FOXO1: variants seen among roughly 807,000 people sequenced by gnomAD.
FOXO1 encodes forkhead box O1.
Under a neutral mutation model 44.1 loss-of-function variants are expected in FOXO1, and 6 were observed. The observed-to-expected ratio is 0.14, with a 90% CI of 0.07 to 0.27. The LOEUF (loss-of-function observed/expected upper bound fraction) is 0.27, where lower values mean the gene tolerates loss of function less well. FOXO1 is among the 10% of genes least tolerant of loss of function. The probability of loss-of-function intolerance (pLI) is 1.00; values close to 1 mark genes in which losing one functional copy is unlikely to be tolerated. For missense variants in FOXO1, 737 were observed against 888.8 expected (o/e 0.83, Z 2.17); for synonymous variants, 380 against 362.7 (o/e 1.05, Z -0.54).
At chr13:40,623,518 T>C (rs1430779328) in intron 1 of FOXO1, among the ~76,000 whole-genome samples, 1 of 151,946 alleles carries the variant, frequency 6.6e-6, no homozygotes, top group Non-Finnish European at 1.5e-5. Flanking sequence ...AGTTCAACAG[T>C]TTTTTTTCTT....
intron 1 of FOXO1, among the ~76,000 whole-genome samples, chr13:40,578,336 G>A (rs1281571029): frequency 6.6e-6 from 1 of 152,194 alleles, no homozygotes; most frequent in African/African-American, 2.4e-5. Context: ...GTCCTAGAAT[G>A]CTGATCCTGT....
chr13:40,564,640 C>T (rs917653242), intron 1 of FOXO1, among the ~76,000 whole-genome samples: 3 of 152,192 alleles, frequency 2.0e-5, no homozygotes, highest in Non-Finnish European at 2.9e-5. Flanking sequence ...AGCAGAGCCG[C>T]GTGAGACTGC....
At chr13:40,603,453 T>C (rs1875885637) in intron 1 of FOXO1, among the ~76,000 whole-genome samples, 1 of 151,948 alleles carries the variant, frequency 6.6e-6, no homozygotes, top group Non-Finnish European at 1.5e-5. Flanking sequence ...TATGTGTGTG[T>C]GTCTGTACAT....
intron 1 of FOXO1, among the ~76,000 whole-genome samples, chr13:40,664,352 G>A (rs1292840328): frequency 6.6e-6 from 1 of 152,154 alleles, no homozygotes; most frequent in Non-Finnish European, 1.5e-5. Context: ...GAAACTGTCA[G>A]CTTGGGGAGG....
chr13:40,610,743 A>G (rs1317471613), intron 1 of FOXO1, among the ~76,000 whole-genome samples: 1 of 152,270 alleles, frequency 6.6e-6, no homozygotes, highest in Non-Finnish European at 1.5e-5. Context: ...AATATAGGCT[A>G]TAAAAACAAT....
At chr13:40,659,630 CTT>C (rs199978805) in intron 1 of FOXO1, among the ~76,000 whole-genome samples, 5 of 152,006 alleles carry the variant, frequency 3.3e-5, no homozygotes, top group Non-Finnish European at 5.9e-5. Flanking sequence ...AACTAACTTG[CTT>C]TTTTGTTTTC....
At chr13:40,656,695 C>A (rs1320630919) in intron 1 of FOXO1, among the ~76,000 whole-genome samples, 1 of 152,188 alleles carries the variant, frequency 6.6e-6, no homozygotes, top group African/African-American at 2.4e-5. Flanking sequence ...ATCATATTTT[C>A]ATAATTTCTT....
intron 1 of FOXO1, among the ~76,000 whole-genome samples, chr13:40,638,356 A>T (rs1263679458): frequency 6.6e-6 from 1 of 152,202 alleles, no homozygotes; most frequent in Non-Finnish European, 1.5e-5. Flanking sequence ...TAAGGAAGAC[A>T]TTATATGAAA....
At chr13:40,643,861 T>C (rs1239916336) in intron 1 of FOXO1, among the ~76,000 whole-genome samples, 1 of 152,194 alleles carries the variant, frequency 6.6e-6, no homozygotes, top group African/African-American at 2.4e-5. Flanking sequence ...GCACCTCAAC[T>C]TGTCCTACAA....
intron 1 of FOXO1, among the ~76,000 whole-genome samples, chr13:40,577,151 C>CCCCA (rs1457796454): frequency 2.2e-5 from 3 of 139,446 alleles, no homozygotes; most frequent in African/African-American, 5.2e-5. Context: ...ATCAGACTCC[C>CCCCA]CCCACCCACC....
chr13:40,599,516 C>T (rs1011065529), intron 1 of FOXO1, among the ~76,000 whole-genome samples: 24 of 152,232 alleles, frequency 1.6e-4, no homozygotes, highest in African/African-American at 5.8e-4. Context: ...AACCACCACT[C>T]ACAGGTACTG....
intron 1 of FOXO1, among the ~76,000 whole-genome samples, chr13:40,594,158 T>A (rs976080344): frequency 3.3e-5 from 5 of 152,094 alleles, no homozygotes; most frequent in African/African-American, 4.8e-5. Flanking sequence ...AACTCACAAT[T>A]TCACCTCTGA....
At chr13:40,642,342 G>A (rs1203193528) in intron 1 of FOXO1, among the ~76,000 whole-genome samples, 3 of 152,072 alleles carry the variant, frequency 2.0e-5, no homozygotes, top group Admixed American at 6.6e-5. Context: ...CTCAAAAAAT[G>A]GGCATTCCCT....
chr13:40,651,920 G>A (rs1321355610), intron 1 of FOXO1, among the ~76,000 whole-genome samples: 1 of 152,060 alleles, frequency 6.6e-6, no homozygotes, highest in Non-Finnish European at 1.5e-5. Context: ...GGTTGAAGGG[G>A]AGAGACCAAT....
chr13:40,612,150 CT>C (rs1266589579), intron 1 of FOXO1, among the ~76,000 whole-genome samples: 1 of 151,692 alleles, frequency 6.6e-6, no homozygotes, highest in Non-Finnish European at 1.5e-5. Flanking sequence ...TTTTACAGGC[CT>C]ACTGAAAACA....
At chr13:40,628,587 G>T (rs775822788) in intron 1 of FOXO1, among the ~76,000 whole-genome samples, 7 of 152,004 alleles carry the variant, frequency 4.6e-5, no homozygotes, top group Non-Finnish European at 8.8e-5. Context: ...ATGTATAGTG[G>T]AATCGACTCA....
intron 1 of FOXO1, among the ~76,000 whole-genome samples, chr13:40,643,297 G>A (rs577462226): frequency 2.7e-5 from 4 of 148,638 alleles, no homozygotes; most frequent in Non-Finnish European, 3.0e-5. Flanking sequence ...AGTCAAGATC[G>A]CTCCACTGTA....
chr13:40,659,069 T>C (rs1877950308), intron 1 of FOXO1, among the ~76,000 whole-genome samples: 1 of 151,774 alleles, frequency 6.6e-6, no homozygotes, highest in South Asian at 2.1e-4. Flanking sequence ...CTCACGCCTG[T>C]AATCCCAGCA....
chr13:40,622,596 C>T (rs1876652831), intron 1 of FOXO1, among the ~76,000 whole-genome samples: 1 of 152,092 alleles, frequency 6.6e-6, no homozygotes, highest in South Asian at 2.1e-4. Context: ...AAAATCCAAA[C>T]AAAAATCACC....
Sources: gnomAD v4.1 joint callset for allele counts (sites outside exome capture counted in the v4.1 genomes callset) on GRCh38, gnomAD v4.1.1 for gene constraint, MANE v1.5 for transcripts, NCBI Gene and HGNC (gene_info 2026-07-23, HGNC 2026-07-21) for gene names.